Variants in PTPRN2 observed in about 807,000 individuals in gnomAD.
PTPRN2 encodes protein tyrosine phosphatase receptor type N2.
PTPRN2 carries 74 observed loss-of-function variants against 118.8 expected under a neutral mutation model. The observed-to-expected ratio is 0.62, with a 90% CI of 0.52 to 0.76. PTPRN2 has a LOEUF of 0.76. PTPRN2 is among the 30% of genes least tolerant of loss of function. PTPRN2 has a pLI of 0.00. For missense variants in PTPRN2, 1,481 were observed against 1,394.4 expected, an observed-to-expected ratio of 1.06 and a Z score of -0.99; for synonymous variants, 641 against 608.0, an observed-to-expected ratio of 1.05 and a Z score of -0.80.
intron 6 of PTPRN2, among the ~76,000 whole-genome samples, chr7:158,145,375 C>T (rs1030949831): frequency 2.6e-5 from 4 of 152,190 alleles, no homozygotes; most frequent in Non-Finnish European, 5.9e-5. Context: ...CTCACATCAT[C>T]GTGAGAAGGG....
rs149040977 is a variant in PTPRN2, at chr7:157,567,089, A to G, written c.2902+1813T>C. 2.6e-3 allele frequency among the ~76,000 whole-genome samples: 399 copies of G among 152,340 alleles called. 2 individuals carry two copies. Among genetic ancestry groups the G allele is most frequent in the African/African-American group, 9.1e-3 (378 of 41,580 alleles). On this transcript the variant is annotated intron_variant, in intron 21 of 22. Transcript: ENST00000389418. ...AGAGGGAAAGAAGGGAGGGCCCATGATAAGTGGAGAAATACAAATTCCATG... is the reference window on the plus strand; with the variant it reads ...AGAGGGAAAGAAGGGAGGGCCCATGGTAAGTGGAGAAATACAAATTCCATG...
chr7:158,394,724 C>T (rs1039018993), intron 2 of PTPRN2, among the ~76,000 whole-genome samples: 6 of 152,192 alleles, frequency 3.9e-5, no homozygotes, highest in Non-Finnish European at 8.8e-5. Context: ...GCATTCAGGA[C>T]GGGGCGACAA....
At chr7:158,433,316 G>A (rs1338485183) in intron 2 of PTPRN2, among the ~76,000 whole-genome samples, 1 of 152,066 alleles carries the variant, frequency 6.6e-6, no homozygotes, top group Non-Finnish European at 1.5e-5. Flanking sequence ...CATAGGAGTG[G>A]GATTACTAGA....
rs190971539 is a variant in PTPRN2, at chr7:158,013,444, C to T, written c.1723+67854G>A. Among the ~76,000 whole-genome samples, 371 of 152,106 alleles carry T rather than the reference C, an allele frequency of 2.4e-3. 2 individuals carry two copies. Among genetic ancestry groups the T allele is most frequent in the African/African-American group, 8.5e-3 (352 of 41,488 alleles). On this transcript the variant is annotated intron_variant, in intron 11 of 22. Coordinates refer to ENST00000389418, the MANE Select transcript of PTPRN2 (RefSeq NM_002847.5). Reference sequence around the variant, plus strand: ...TCCCTCCAGCCTGCCTTCCTTCCTTCCTTCCATCCACCCATCCACCCACAC... The same window carrying T: ...TCCCTCCAGCCTGCCTTCCTTCCTTTCTTCCATCCACCCATCCACCCACAC...
chr7:158,321,204 T>C (rs1181639625), intron 2 of PTPRN2, among the ~76,000 whole-genome samples: 1 of 152,072 alleles, frequency 6.6e-6, no homozygotes, highest in African/African-American at 2.4e-5. Flanking sequence ...AGACGTGCAG[T>C]GCGGCCTCTG....
intron 12 of PTPRN2, among the ~76,000 whole-genome samples, chr7:157,840,409 ACTGTGTGACTGTGTGT>A (rs1808328958): frequency 8.5e-6 from 1 of 117,746 alleles, no homozygotes; most frequent in African/African-American, 3.3e-5. Flanking sequence ...ACCGTGTGTG[ACTGTGTGACTGTGTGT>A]GACTGTGTGA....
intron 2 of PTPRN2, among the ~76,000 whole-genome samples, chr7:158,378,138 T>A (rs1200024855): frequency 1.3e-5 from 2 of 152,174 alleles, no homozygotes; most frequent in Non-Finnish European, 2.9e-5. Context: ...TTTTACTGCA[T>A]ACAAATCATA....
chr7:158,410,683 G>A lies in PTPRN2; in HGVS notation c.163+79052C>T, dbSNP rs139233703. Among the ~76,000 whole-genome samples the A allele has an allele frequency of 4.5e-3, 684 of 152,346 alleles. 4 individuals carry two copies. Among genetic ancestry groups the A allele is most frequent in the African/African-American group, 0.016 (653 of 41,586 alleles). On this transcript the variant is annotated intron_variant, in intron 2 of 22. Transcript: ENST00000389418. Reference sequence around the variant, plus strand: ...AGCCAGAGCCTCGGAATGTAACTACGTGGAAACAGGGTCCTCGCAGACCTC... The same window carrying A: ...AGCCAGAGCCTCGGAATGTAACTACATGGAAACAGGGTCCTCGCAGACCTC...
intron 3 of PTPRN2, among the ~76,000 whole-genome samples, chr7:158,312,903 C>A (rs572869093): frequency 1.4e-4 from 21 of 151,180 alleles, no homozygotes; most frequent in African/African-American, 4.9e-4. Flanking sequence ...GGTGTGCATG[C>A]ATGTGTGGGG....
At chr7:158,186,450 G>C (rs1455992571) in intron 5 of PTPRN2, among the ~76,000 whole-genome samples, 1 of 152,210 alleles carries the variant, frequency 6.6e-6, no homozygotes, top group Admixed American at 6.5e-5. Context: ...TCGTACACCT[G>C]CAGGAGGTGT....
intron 2 of PTPRN2, among the ~76,000 whole-genome samples, chr7:158,433,228 C>CTGTTATAAAT (rs1177476320): frequency 6.6e-6 from 1 of 152,184 alleles, no homozygotes; most frequent in Non-Finnish European, 1.5e-5. Flanking sequence ...CAGTTGTAAG[C>CTGTTATAAAT]TGTTATAAAT....
chr7:157,916,609 C>T (rs1283441672), intron 11 of PTPRN2, among the ~76,000 whole-genome samples: 1 of 152,242 alleles, frequency 6.6e-6, no homozygotes, highest in Non-Finnish European at 1.5e-5. Context: ...CTGCAGAGCA[C>T]GCAGCTCCTT....
chr7:157,843,636 C>T (rs1352834243), intron 12 of PTPRN2, among the ~76,000 whole-genome samples: 5 of 152,184 alleles, frequency 3.3e-5, no homozygotes, highest in Non-Finnish European at 7.3e-5. Flanking sequence ...GGCCCAGAGC[C>T]GCTCATTGAG....
intron 2 of PTPRN2, among the ~76,000 whole-genome samples, chr7:158,463,097 G>A (rs754619970): frequency 7.4e-5 from 9 of 120,848 alleles, no homozygotes; most frequent in South Asian, 2.7e-4. Flanking sequence ...GGGAGATGCC[G>A]ACTTGGTCAG....
chr7:158,031,306 C>T (rs1807671292), intron 11 of PTPRN2, among the ~76,000 whole-genome samples: 1 of 152,198 alleles, frequency 6.6e-6, no homozygotes, highest in Non-Finnish European at 1.5e-5. Context: ...GAATTTTTTC[C>T]TGCATCCCTG....
At chr7:158,016,195 G>C (rs754254832) in intron 11 of PTPRN2, among the ~76,000 whole-genome samples, 2 of 152,234 alleles carry the variant, frequency 1.3e-5, no homozygotes, top group Non-Finnish European at 2.9e-5. Context: ...TCTCATACAA[G>C]GGAGGTGGGG....
At position 158,121,604 on chromosome 7, in the gene PTPRN2, T is replaced by C. The variant is rs545291825; in HGVS notation, c.1557-10689A>G. Among the ~76,000 whole-genome samples the C allele has an allele frequency of 2.0e-5, 3 of 152,210 alleles. No homozygotes were observed. The East Asian group carries it at 5.8e-4, about 29-fold the overall frequency. On this transcript the variant is annotated intron_variant, in intron 9 of 22. Coordinates refer to ENST00000389418, the MANE Select transcript of PTPRN2 (RefSeq NM_002847.5). ...GATGGTATGAGGACATGGGAGGGGCTCCACCACGAATCCTGGGCCCAGCCC... is the reference window on the plus strand; with the variant it reads ...GATGGTATGAGGACATGGGAGGGGCCCCACCACGAATCCTGGGCCCAGCCC...
chr7:158,509,826 A>G lies in PTPRN2; in HGVS notation c.113-20041T>C, dbSNP rs1823044693. On this transcript the variant is annotated intron_variant, in intron 1 of 22. Coordinates refer to ENST00000389418, the MANE Select transcript of PTPRN2 (RefSeq NM_002847.5). This position sits in a 1 kb window ranked among gnomAD's most constrained non-coding sequence, Gnocchi z 4.4. ...ATGGTGACTTGCAGTGCTCTGTTCC[A>G]TGGCCGAGAGGGCTGTAAGTGATTT... is the stretch of plus-strand genomic sequence containing the variant. 6.6e-6 allele frequency among the ~76,000 whole-genome samples: 1 copy of G among 152,218 alleles called. No individual in the cohort carries two copies. The highest frequency in any genetic ancestry group is 1.5e-5 in the Non-Finnish European group (1 of 68,038).
intron 21 of PTPRN2, among the ~76,000 whole-genome samples, chr7:157,549,966 C>T (rs960275931): frequency 6.6e-6 from 1 of 152,300 alleles, no homozygotes; most frequent in Admixed American, 6.5e-5. Flanking sequence ...AATAGAGACG[C>T]GGCCAATGGC....
Sources: gnomAD v4.1 joint callset for allele counts (sites outside exome capture counted in the v4.1 genomes callset) on GRCh38, gnomAD v4.1.1 for gene constraint, Gnocchi (gnomAD v3.1) non-coding constraint, MANE v1.5 for transcripts, NCBI Gene and HGNC (gene_info 2026-07-23, HGNC 2026-07-21) for gene names.